TANC1: variants seen among roughly 807,000 people sequenced by gnomAD.
TANC1 encodes protein TANC1.
Under a neutral mutation model 149.7 loss-of-function variants are expected in TANC1, and 77 were observed. The observed-to-expected ratio is 0.51, with a 90% CI of 0.43 to 0.62. The LOEUF (loss-of-function observed/expected upper bound fraction) is 0.62. Ranked by LOEUF, TANC1 falls within the 20% of genes least tolerant of loss-of-function variation. The pLI, the probability that TANC1 is intolerant of heterozygous loss-of-function variation, is 0.00. For missense variants in TANC1, 1,985 were observed against 2,321.8 expected (o/e 0.85, Z 2.98); for synonymous variants, 854 against 925.0 (o/e 0.92, Z 1.39).
intron 3 of TANC1, among the ~76,000 whole-genome samples, chr2:159,069,377 A>G (rs1056052479): frequency 1.3e-5 from 2 of 151,884 alleles, no homozygotes; most frequent in African/African-American, 4.8e-5. Context: ...AGGGCATCTT[A>G]TTTTTTTTCC....
chr2:159,117,701 CT>C lies in TANC1; in HGVS notation c.260-18463del, dbSNP rs59509568. Among the ~76,000 whole-genome samples the C allele has an allele frequency of 3.4e-3, 383 of 113,168 alleles. 2 individuals carry two copies. Among genetic ancestry groups the C allele is most frequent in the African/African-American group, 0.013 (339 of 27,056 alleles). 74.2% of individuals were successfully genotyped at this position (113,168 alleles called of 152,430 possible). Reference sequence around the variant, plus strand: ...GTGAGCCACCGTGCCCGGCCTATTCCTTTTTTTTTTTTTTTTTTTTTTTTTT... The same window carrying C: ...GTGAGCCACCGTGCCCGGCCTATTCCTTTTTTTTTTTTTTTTTTTTTTTTT... On this transcript the variant is annotated intron_variant, in intron 4 of 26. Coordinates refer to ENST00000263635, the MANE Select transcript of TANC1 (RefSeq NM_033394.3).
rs750865923 is a variant in TANC1, at chr2:159,178,658, C to T, written c.2005C>T (p.His669Tyr). Reference protein sequence around the residue: ...DLHAYVQHRVHSSQDILSNIS... With the variant: ...DLHAYVQHRVYSSQDILSNIS... ...GCACGCCTACGTCCAGCACAGGGTG[C>T]ACAGCAGCCAGGACATCCTCAGCAA... Residue 669 changes from histidine to tyrosine, a missense_variant, in exon 14 of 27, where the codon CAC (histidine) becomes TAC (tyrosine). Physicochemically the swap from His to Tyr is moderately conservative, Grantham distance 83. Around this residue, in one of 3 missense-constraint regions of TANC1, gnomAD observed 508 missense variants for 714.2 expected, o/e 0.71. Coordinates refer to ENST00000263635, the MANE Select transcript of TANC1 (RefSeq NM_033394.3). The T allele has an allele frequency of 1.3e-5, 21 of 1,614,200 alleles. No individual in the cohort carries two copies. The East Asian group carries it at 4.7e-4, about 36-fold the overall frequency.
rs1553616294 is a variant in TANC1, at chr2:159,219,977, A to AGAGT, written c.3678+111_3678+112insAGTG. ...AGGTTGTGTCTCAGTGTCATCAGAG[A>AGAGT]GTGTGTGTGTGTGTGTGTGTGTGTG... On this transcript the variant is annotated intron_variant, in intron 22 of 26. Coordinates refer to ENST00000263635, the MANE Select transcript of TANC1 (RefSeq NM_033394.3). The AGAGT allele has an allele frequency of 7.5e-6, 4 of 535,454 alleles. No homozygotes were observed. In the African/African-American group the frequency reaches 8.4e-5, roughly 11 times the overall value. The allele number at this position is 535,454 out of a possible 1,614,324, so 33.2% of individuals were successfully genotyped here.
At chr2:158,969,981 G>A (rs2149144680) in intron 1 of TANC1, among the ~76,000 whole-genome samples, 1 of 152,302 alleles carries the variant, frequency 6.6e-6, no homozygotes, top group African/African-American at 2.4e-5. Context: ...CAGGTTACAA[G>A]GTAAATGGAA....
intron 3 of TANC1, among the ~76,000 whole-genome samples, chr2:159,068,125 C>T (rs1161395552): frequency 6.6e-6 from 1 of 152,146 alleles, no homozygotes; most frequent in Non-Finnish European, 1.5e-5. Context: ...AGGCTAGCAA[C>T]AAAGCAGATG....
intron 19 of TANC1, among the ~76,000 whole-genome samples, chr2:159,207,815 G>C (rs959866523): frequency 6.7e-6 from 1 of 148,808 alleles, no homozygotes; most frequent in Non-Finnish European, 1.5e-5. Flanking sequence ...ATCTGTAACA[G>C]AGAACTAAGA....
intron 19 of TANC1, among the ~76,000 whole-genome samples, chr2:159,212,856 G>T (rs1283752725): frequency 6.6e-6 from 1 of 150,586 alleles, no homozygotes; most frequent in East Asian, 1.9e-4. Flanking sequence ...AGAGGCGGAG[G>T]TTGCAGTGAG....
chr2:158,990,429 G>C (rs2035501149), intron 1 of TANC1, among the ~76,000 whole-genome samples: 1 of 152,150 alleles, frequency 6.6e-6, no homozygotes, highest in African/African-American at 2.4e-5. Context: ...TAATGGGCTA[G>C]GCTGACACAT....
Position 159,166,797 on chromosome 2 carries a change from C to A in TANC1, c.947-2453C>A, listed in dbSNP as rs528752230. On this transcript the variant is annotated intron_variant, in intron 8 of 26. Coordinates refer to ENST00000263635, the MANE Select transcript of TANC1 (RefSeq NM_033394.3). ...TCACTGGCACCTCTATTGGTGGCTT[C>A]GAAAATGCCTCAGAAAGCTGAGATA... Among the ~76,000 whole-genome samples the A allele has an allele frequency of 3.3e-5, 5 of 152,308 alleles. No homozygotes were observed. In the South Asian group the frequency reaches 1.0e-3, roughly 32 times the overall value.
chr2:159,002,755 G>T (rs748870214), intron 2 of TANC1, among the ~76,000 whole-genome samples: 38 of 152,210 alleles, frequency 2.5e-4, no homozygotes, highest in Non-Finnish European at 4.6e-4. Flanking sequence ...CTGTCTTGCT[G>T]GTGGTTCTAC....
rs185644590 is a variant in TANC1 at position 159,182,314 on chromosome 2, T to C, written c.2510+3151T>C. ...TTTTTTTTTGTTGAAGTATGTTAAA[T>C]TGTAAACATGACATTTTACTTTAAA... is the stretch of plus-strand genomic sequence containing the variant. On this transcript the variant is annotated intron_variant, in intron 14 of 26. Coordinates refer to ENST00000263635, the MANE Select transcript of TANC1 (RefSeq NM_033394.3). Among the ~76,000 whole-genome samples, 339 of 152,338 alleles carry C rather than the reference T, an allele frequency of 2.2e-3. 2 individuals are homozygous for C. Among genetic ancestry groups the C allele is most frequent in the African/African-American group, 7.9e-3 (327 of 41,578 alleles).
intron 20 of TANC1, among the ~76,000 whole-genome samples, chr2:159,218,867 G>C (rs77696756): frequency 2.0e-5 from 3 of 152,092 alleles, no homozygotes; most frequent in Non-Finnish European, 4.4e-5. Context: ...TTCAGTGCCC[G>C]TGGGGGACCC....
intron 3 of TANC1, among the ~76,000 whole-genome samples, chr2:159,066,948 AAT>A: frequency 6.6e-6 from 1 of 152,312 alleles, no homozygotes; most frequent in South Asian, 2.1e-4. Context: ...GCACAATAAA[AAT>A]ATGTTAGCAT....
intron 4 of TANC1, among the ~76,000 whole-genome samples, chr2:159,128,044 A>T (rs964003214): frequency 6.6e-6 from 1 of 152,196 alleles, no homozygotes; most frequent in Non-Finnish European, 1.5e-5. Context: ...GCTTATTAAG[A>T]GTGGTGTTAG....
intron 3 of TANC1, among the ~76,000 whole-genome samples, chr2:159,092,039 C>T (rs1357763376): frequency 2.0e-5 from 3 of 151,728 alleles, no homozygotes; most frequent in African/African-American, 7.3e-5. Flanking sequence ...CACTGTAAGG[C>T]GGGGACTGCA....
chr2:159,157,189 G>A (rs2150361519), intron 7 of TANC1, among the ~76,000 whole-genome samples: 1 of 152,302 alleles, frequency 6.6e-6, no homozygotes, highest in South Asian at 2.1e-4. Context: ...CAGGGTTGGG[G>A]CGGGGGTCCC....
chr2:159,032,047 CTGGGG>C (rs2039823140), intron 2 of TANC1, among the ~76,000 whole-genome samples: 1 of 152,090 alleles, frequency 6.6e-6, no homozygotes, highest in Non-Finnish European at 1.5e-5. Context: ...TCATATGGCC[CTGGGG>C]TATCTGGGGC....
intron 2 of TANC1, chr2:159,004,244 A>G: frequency 6.2e-7 from 1 of 1,612,272 alleles, no homozygotes; most frequent in South Asian, 1.1e-5. Flanking sequence ...CAAAACCAGA[A>G]GACATTGATG....
chr2:159,202,494 T>C (rs1206119377), intron 19 of TANC1, among the ~76,000 whole-genome samples: 1 of 152,170 alleles, frequency 6.6e-6, no homozygotes, highest in Non-Finnish European at 1.5e-5. Context: ...CAGGACCATT[T>C]GGTTTTTGTC....
Sources: gnomAD v4.1 joint callset for allele counts (sites outside exome capture counted in the v4.1 genomes callset) on GRCh38, gnomAD v4.1.1 for gene constraint, gnomAD v4.1.1 regional missense constraint, MANE v1.5 for transcripts, NCBI Gene and HGNC (gene_info 2026-07-23, HGNC 2026-07-21) for gene names.